GRAMD1B: variants seen among roughly 807,000 people sequenced by gnomAD.
The protein encoded by GRAMD1B is protein Aster-B.
Under a neutral mutation model 99.7 loss-of-function variants are expected in GRAMD1B, and 37 were observed. That is an observed-to-expected ratio of 0.37 (90% CI 0.29 to 0.49). The LOEUF is 0.49. GRAMD1B is among the 20% of genes least tolerant of loss of function. The pLI is 0.98. For missense variants in GRAMD1B, 888 were observed against 1,009.2 expected, an observed-to-expected ratio of 0.88 and a Z score of 1.63; for synonymous variants, 427 against 387.6, an observed-to-expected ratio of 1.10 and a Z score of -1.19.
At chr11:123,607,113 A>G (rs983623742) in intron 11 of GRAMD1B, among the ~76,000 whole-genome samples, 42 of 152,170 alleles carry the variant, frequency 2.8e-4, no homozygotes, top group Admixed American at 7.9e-4. Context: ...GCCACAAGGA[A>G]GGTGCCAGTC....
chr11:123,612,044 G>A (rs374881105), intron 14 of GRAMD1B, among the ~76,000 whole-genome samples: 6 of 152,120 alleles, frequency 3.9e-5, no homozygotes, highest in Non-Finnish European at 8.8e-5. Context: ...GGTGAGGTCT[G>A]GGGTGCAGTG....
rs181389685 is a variant in GRAMD1B at position 123,596,717 on chromosome 11, T to G, written c.969+680T>G. 2.2e-4 allele frequency among the ~76,000 whole-genome samples: 33 copies of G among 152,348 alleles called. No individual in the cohort carries two copies. In the Middle Eastern group the frequency reaches 0.01, roughly 47 times the overall value. ...ACCTATATTTGTTGTTGTTGTTGTT[T>G]TTTGCTTTTGTTTTTGTTTTAAGTA... On this transcript the variant is annotated intron_variant, in intron 7 of 19. Transcript: ENST00000635736.
At chr11:123,548,325 T>TACACAC (rs138083511) in intron 2 of GRAMD1B, among the ~76,000 whole-genome samples, 25 of 86,876 alleles carry the variant, frequency 2.9e-4, no homozygotes, top group African/African-American at 8.7e-4. Flanking sequence ...TATATATATA[T>TACACAC]ACACACACAC....
At chr11:123,402,421 T>G (rs1207550382) in intron 1 of GRAMD1B, among the ~76,000 whole-genome samples, 1 of 152,222 alleles carries the variant, frequency 6.6e-6, no homozygotes, top group African/African-American at 2.4e-5. Context: ...CATTGTTATT[T>G]TTATTAGCCA....
At chr11:123,488,950 T>G (rs1404056864) in intron 2 of GRAMD1B, among the ~76,000 whole-genome samples, 1 of 151,900 alleles carries the variant, frequency 6.6e-6, no homozygotes, top group African/African-American at 2.4e-5. Flanking sequence ...GGTCCTTACC[T>G]CTCTGCGTAC....
chr11:123,450,988 G>A (rs908346238), intron 1 of GRAMD1B, among the ~76,000 whole-genome samples: 2 of 152,090 alleles, frequency 1.3e-5, no homozygotes, highest in Admixed American at 6.6e-5. Flanking sequence ...CACAGAGTGC[G>A]GTACCTTAAA....
At chr11:123,412,343 T>C (rs1948081439) in intron 1 of GRAMD1B, among the ~76,000 whole-genome samples, 1 of 152,246 alleles carries the variant, frequency 6.6e-6, no homozygotes, top group South Asian at 2.1e-4. Flanking sequence ...TGTGTGCCTA[T>C]CATGTGCAAG....
intron 2 of GRAMD1B, among the ~76,000 whole-genome samples, chr11:123,495,678 C>CTTTTTTTTTTTTTTTTT (rs556302274): frequency 8.7e-6 from 1 of 114,410 alleles, no homozygotes; most frequent in Admixed American, 8.4e-5. Context: ...CTTTCTTCTT[C>CTTTTTTTTTTTTTTTTT]TTTTTTTTTT....
At chr11:123,501,593 A>C (rs1365332393) in intron 2 of GRAMD1B, among the ~76,000 whole-genome samples, 1 of 152,062 alleles carries the variant, frequency 6.6e-6, no homozygotes, top group Non-Finnish European at 1.5e-5. Context: ...CTTTTTTTCT[A>C]ACTTGCTGGA....
chr11:123,553,526 T>C (rs1945839025), intron 2 of GRAMD1B, among the ~76,000 whole-genome samples: 1 of 152,242 alleles, frequency 6.6e-6, no homozygotes, highest in Non-Finnish European at 1.5e-5. Flanking sequence ...TGGAGCCATC[T>C]GAATCCTCAG....
intron 2 of GRAMD1B, among the ~76,000 whole-genome samples, chr11:123,488,558 G>A (rs1419925936): frequency 1.3e-5 from 2 of 152,174 alleles, no homozygotes; most frequent in African/African-American, 4.8e-5. Context: ...ATGGCCATCA[G>A]GCATCAAGAA....
chr11:123,591,700 G>C lies in GRAMD1B; in HGVS notation c.685-2382G>C, dbSNP rs942438734. Reference sequence around the variant, plus strand: ...ATAGGTGAGCCAGGCCCCGCCTTTGGGGGTGGAGGAGGGAGAGGGCTGGGG... The same window carrying C: ...ATAGGTGAGCCAGGCCCCGCCTTTGCGGGTGGAGGAGGGAGAGGGCTGGGG... On this transcript the variant is annotated intron_variant, in intron 4 of 19. Coordinates refer to ENST00000635736, the MANE Select transcript of GRAMD1B (RefSeq NM_001387025.1). The surrounding 1 kb of genome is among the most constrained non-coding windows in gnomAD (Gnocchi z 4.7). Among the ~76,000 whole-genome samples the C allele has an allele frequency of 2.0e-5, 3 of 152,200 alleles. No individual in the cohort carries two copies. Among genetic ancestry groups the C allele is most frequent in the African/African-American group, 4.8e-5 (2 of 41,452 alleles).
chr11:123,460,286 T>C (rs1303948178), intron 1 of GRAMD1B: 1 of 152,176 alleles, frequency 6.6e-6, no homozygotes, highest in Non-Finnish European at 1.5e-5. Flanking sequence ...GAAAATGGCA[T>C]TGTGGAAACA....
At chr11:123,380,012 C>T (rs1946819481) in intron 1 of GRAMD1B, among the ~76,000 whole-genome samples, 1 of 152,122 alleles carries the variant, frequency 6.6e-6, no homozygotes, top group Non-Finnish European at 1.5e-5. Flanking sequence ...TATTTAGGTC[C>T]TTTCTCCAGC....
intron 2 of GRAMD1B, among the ~76,000 whole-genome samples, chr11:123,484,204 G>T (rs1951763923): frequency 6.6e-6 from 1 of 152,100 alleles, no homozygotes; most frequent in Admixed American, 6.5e-5. Context: ...GTCTTTGCCT[G>T]CTCTTCTTCT....
chr11:123,534,103 T>A (rs547405644), intron 2 of GRAMD1B, among the ~76,000 whole-genome samples: 14 of 152,376 alleles, frequency 9.2e-5, no homozygotes, highest in African/African-American at 3.1e-4. Context: ...CTTCACAACA[T>A]CTTAACTACT....
intron 2 of GRAMD1B, among the ~76,000 whole-genome samples, chr11:123,528,661 G>A (rs11601260): frequency 0.21 from 32,401 of 151,916 alleles, 3,830 homozygotes; most frequent in East Asian, 0.29. Flanking sequence ...TATAATTTCC[G>A]CTCTGTGTAA....
At chr11:123,409,138 G>A (rs930098679) in intron 1 of GRAMD1B, among the ~76,000 whole-genome samples, 10 of 152,122 alleles carry the variant, frequency 6.6e-5, no homozygotes, top group South Asian at 2.1e-4. Flanking sequence ...GATTCTCAAC[G>A]CAGTTCTTTG....
chr11:123,467,895 C>T (rs1481040794), intron 1 of GRAMD1B, among the ~76,000 whole-genome samples: 4 of 136,116 alleles, frequency 2.9e-5, no homozygotes, highest in East Asian at 2.5e-4. Flanking sequence ...GATGGAGTCT[C>T]GTTCTGTCGC....
Sources: gnomAD v4.1 joint callset for allele counts (sites outside exome capture counted in the v4.1 genomes callset) on GRCh38, gnomAD v4.1.1 for gene constraint, Gnocchi (gnomAD v3.1) non-coding constraint, MANE v1.5 for transcripts, NCBI Gene and HGNC (gene_info 2026-07-23, HGNC 2026-07-21) for gene names.